TANC2: variants seen among roughly 807,000 people sequenced by gnomAD.
TANC2 encodes the protein tetratricopeptide repeat, ankyrin repeat and coiled-coil containing 2.
Under a neutral mutation model 210.5 loss-of-function variants are expected in TANC2, and 26 were observed. The ratio of observed to expected loss-of-function variants is 0.12; its 90% CI spans 0.09 to 0.17. TANC2 has a LOEUF of 0.17. TANC2 is among the 10% of genes least tolerant of loss of function. TANC2 has a pLI of 1.00. For missense variants in TANC2, 2,129 were observed against 2,608.9 expected, an observed-to-expected ratio of 0.82 and a Z score of 4.01; for synonymous variants, 931 against 967.1, an observed-to-expected ratio of 0.96 and a Z score of 0.69.
At chr17:63,319,084 C>G in exon 11 of TANC2, 1 of 1,611,690 alleles carries the variant, frequency 6.2e-7, no homozygotes, top group Non-Finnish European at 8.5e-7. Context: ...GAAGACTAGC[C>G]TCGCAGGTAC....
intron 4 of TANC2, among the ~76,000 whole-genome samples, chr17:63,113,582 A>G (rs1391511270): frequency 6.6e-6 from 1 of 152,168 alleles, no homozygotes; most frequent in African/African-American, 2.4e-5. Flanking sequence ...ATCACTGCTC[A>G]TTGCAGCCTC....
At chr17:62,996,695 T>C (rs971608775) in intron 1 of TANC2, among the ~76,000 whole-genome samples, 3 of 152,160 alleles carry the variant, frequency 2.0e-5, no homozygotes, top group Non-Finnish European at 2.9e-5. Flanking sequence ...AAATACATGC[T>C]CTTTTGAGTT....
intron 9 of TANC2, among the ~76,000 whole-genome samples, chr17:63,294,825 G>C (rs1414406389): frequency 6.6e-6 from 1 of 152,010 alleles, no homozygotes; most frequent in Non-Finnish European, 1.5e-5. Context: ...CCATTTTCTG[G>C]GTGCTGCGGA....
chr17:63,329,802 A>G lies in TANC2; in HGVS notation c.1576-10299A>G, dbSNP rs9906824. ...GCCTCCCTATTCTCTGAGACACAAT[A>G]TTGAAATTAGGCCAATGAATAACAT... On this transcript the variant is annotated intron_variant, in intron 11 of 27. Coordinates refer to ENST00000689528, the Ensembl canonical transcript of TANC2. Among the ~76,000 whole-genome samples the G allele has an allele frequency of 7.3e-3, 1,113 of 152,238 alleles. 15 individuals are homozygous for G. Among genetic ancestry groups the G allele is most frequent in the African/African-American group, 0.026 (1,071 of 41,536 alleles).
chr17:63,133,396 C>T (rs1046146341), intron 4 of TANC2, among the ~76,000 whole-genome samples: 3 of 152,210 alleles, frequency 2.0e-5, no homozygotes, highest in Admixed American at 6.5e-5. Flanking sequence ...TGAGCCACCG[C>T]GCCTGGCCAG....
At chr17:63,111,663 C>T (rs1253483064) in intron 4 of TANC2, among the ~76,000 whole-genome samples, 1 of 152,082 alleles carries the variant, frequency 6.6e-6, no homozygotes, top group Non-Finnish European at 1.5e-5. Context: ...CAAAAAATTT[C>T]TGATATGGCA....
At chr17:63,151,369 C>T in exon 5 of TANC2, 1 of 985,650 alleles carries the variant, frequency 1.0e-6, no homozygotes, top group Non-Finnish European at 1.2e-6. Flanking sequence ...GACGTGGATG[C>T]ATACTGCCCT....
intron 4 of TANC2, among the ~76,000 whole-genome samples, chr17:63,116,526 C>T (rs986423380): frequency 1.3e-5 from 2 of 152,178 alleles, no homozygotes; most frequent in Non-Finnish European, 1.5e-5. Context: ...AAGTGATTGA[C>T]GGAGAAGTTT....
At chr17:63,156,296 G>T (rs1160510222) in intron 5 of TANC2, among the ~76,000 whole-genome samples, 1 of 151,952 alleles carries the variant, frequency 6.6e-6, no homozygotes, top group South Asian at 2.1e-4. Flanking sequence ...CCTTTAAAAT[G>T]ATAAGTAAAA....
chr17:63,344,494 T>C (rs2046337623), intron 12 of TANC2, among the ~76,000 whole-genome samples: 1 of 152,106 alleles, frequency 6.6e-6, no homozygotes, highest in Non-Finnish European at 1.5e-5. Context: ...TCCAGGCTAG[T>C]ACAATAAGAA....
intron 9 of TANC2, 124 bp downstream of exon 9, chr17:63,267,997 TTTTAGCATGTGA>T: frequency 1.8e-6 from 2 of 1,087,436 alleles, no homozygotes; most frequent in Non-Finnish European, 2.5e-6. Context: ...AAATGATCCA[TTTTAGCATGTGA>T]CCAGTTCATT....
At chr17:63,013,787 A>T (rs1330705840) in intron 2 of TANC2, among the ~76,000 whole-genome samples, 3 of 149,416 alleles carry the variant, frequency 2.0e-5, no homozygotes, top group African/African-American at 4.9e-5. Context: ...AAAAAAAAAA[A>T]TCTTTATCAT....
At chr17:63,010,887 TC>T (rs1310541175) in intron 2 of TANC2, among the ~76,000 whole-genome samples, 2 of 152,150 alleles carry the variant, frequency 1.3e-5, no homozygotes, top group Admixed American at 1.3e-4. Flanking sequence ...CTTCTCAACA[TC>T]TTCCATGTGC....
rs550227553 is a variant in TANC2 at position 63,067,286 on chromosome 17, C to T, written c.68-6657C>T. ...ACAGATACCAACTCCAAGAGATGAC[C>T]AAGATATTGGAATTATCTGACAAAG... On this transcript the variant is annotated intron_variant, in intron 2 of 27. Coordinates refer to ENST00000689528, the Ensembl canonical transcript of TANC2. Among the ~76,000 whole-genome samples, 4 of 152,102 alleles carry T rather than the reference C, an allele frequency of 2.6e-5. No homozygotes were observed. In the South Asian group the frequency reaches 6.2e-4, roughly 24 times the overall value.
intron 4 of TANC2, among the ~76,000 whole-genome samples, 193 bp downstream of exon 4, chr17:63,099,550 C>A (rs901997613): frequency 6.6e-6 from 1 of 151,716 alleles, no homozygotes; most frequent in African/African-American, 2.4e-5. Flanking sequence ...CTCAGTTTGA[C>A]AGATTGATGT....
chr17:63,010,642 C>T (rs552166242), intron 2 of TANC2, among the ~76,000 whole-genome samples: 1 of 152,208 alleles, frequency 6.6e-6, no homozygotes, highest in East Asian at 1.9e-4. Flanking sequence ...GTGGTGGATC[C>T]CCAGGTTACC....
In TANC2 at chr17:63,371,024, C is replaced by A. The variant is rs114187889; in HGVS notation, c.2583-8694C>A. ...GTCTCACTAGGTCTCTTTAAATAACCCACATTAGCCTCCGTAATATAAAGA... is the reference window on the plus strand; with the variant it reads ...GTCTCACTAGGTCTCTTTAAATAACACACATTAGCCTCCGTAATATAAAGA... On this transcript the variant is annotated intron_variant, in intron 14 of 27. Transcript: ENST00000689528. Among the ~76,000 whole-genome samples the A allele has an allele frequency of 5.8e-3, 884 of 152,238 alleles. 8 individuals are homozygous for A. The highest frequency in any genetic ancestry group is 0.02 in the African/African-American group (848 of 41,536).
intron 11 of TANC2, among the ~76,000 whole-genome samples, chr17:63,337,774 C>T (rs2046084682): frequency 6.6e-6 from 1 of 152,164 alleles, no homozygotes; most frequent in South Asian, 2.1e-4. Flanking sequence ...CCTCCTCCCA[C>T]TCTCCGCCCT....
chr17:63,200,563 C>G (rs1012836335), intron 6 of TANC2, among the ~76,000 whole-genome samples: 2 of 152,000 alleles, frequency 1.3e-5, no homozygotes, highest in African/African-American at 4.8e-5. Context: ...AAACTGGCAA[C>G]AGTCTCTGTT....
Sources: gnomAD v4.1 joint callset for allele counts (sites outside exome capture counted in the v4.1 genomes callset) on GRCh38, gnomAD v4.1.1 for gene constraint, MANE v1.5 for transcripts, NCBI Gene and HGNC (gene_info 2026-07-23, HGNC 2026-07-21) for gene names.